Variants in TECTA observed in about 807,000 individuals in gnomAD.
TECTA encodes tectorin alpha.
In TECTA, 128 loss-of-function variants were observed where a neutral mutation model predicts 216.8. The ratio of observed to expected loss-of-function variants is 0.59; its 90% CI spans 0.51 to 0.68. The LOEUF is 0.68. Among genes scored for constraint, TECTA ranks in the 30% least tolerant of loss-of-function variants. TECTA has a pLI of 0.00. For missense variants in TECTA, 2,551 were observed against 2,786.2 expected (o/e 0.92, Z 1.90); for synonymous variants, 1,089 against 1,117.1 (o/e 0.97, Z 0.50).
chr11:121,169,900 A>G (rs1490567232), intron 20 of TECTA, among the ~76,000 whole-genome samples: 1 of 152,168 alleles, frequency 6.6e-6, no homozygotes, highest in African/African-American at 2.4e-5. Flanking sequence ...TTTGAAATAT[A>G]CAATAAATTG....
rs768453504 is a variant in TECTA at position 121,187,802 on chromosome 11, A to G, written c.6000-30A>G. On this transcript the variant is annotated intron_variant, in intron 20 of 23. Transcript: ENST00000392793. ...TAAGGTGTAAGAGGAAAACATGTGA[A>G]GCAAAGATTCCATTATTTTTTCTGA... is the stretch of plus-strand genomic sequence containing the variant. The G allele has an allele frequency of 2.6e-5, 42 of 1,613,870 alleles. No homozygotes were observed. The Middle Eastern group carries it at 1.2e-3, about 44-fold the overall frequency.
chr11:121,132,668 G>A (rs185089768), intron 10 of TECTA, among the ~76,000 whole-genome samples: 11 of 152,242 alleles, frequency 7.2e-5, no homozygotes, highest in African/African-American at 1.9e-4. Flanking sequence ...CTCACCATGA[G>A]TTCATACTGA....
intron 13 of TECTA, among the ~76,000 whole-genome samples, chr11:121,157,415 A>G (rs994613555): frequency 3.9e-5 from 6 of 152,090 alleles, no homozygotes; most frequent in African/African-American, 1.4e-4. Context: ...GAACATAGTG[A>G]GACTCCGTCT....
chr11:121,157,967 G>T lies in TECTA; in HGVS notation c.4432G>T (p.Gly1478Cys), dbSNP rs552485169. The T allele has an allele frequency of 3.7e-6, 6 of 1,613,566 alleles. No individual in the cohort carries two copies. The South Asian group carries it at 4.4e-5, about 12-fold the overall frequency. The change falls in exon 14 of 24, where the codon GGC becomes TGC. Residue 1478 changes from glycine to cysteine, a missense_variant. Coordinates refer to ENST00000392793, the MANE Select transcript of TECTA (RefSeq NM_005422.4). ...GTGTGCGCTGCGCAACGGGGTGCGC[G>T]GCTGCTTCAGCACCAAGACCTCCTA... Reference protein sequence around the residue: ...EECALRNGVRGCFSTKTSYCL... With the variant: ...EECALRNGVRCCFSTKTSYCL...
intron 18 of TECTA, 35 bp downstream of exon 18, chr11:121,166,815 G>C: frequency 6.2e-7 from 1 of 1,610,724 alleles, no homozygotes; most frequent in Non-Finnish European, 8.5e-7. Flanking sequence ...ACCTGGCAGA[G>C]GCAGCGACAG....
chr11:121,125,646 C>T lies in TECTA; in HGVS notation c.1548C>T (p.Ala516=). Residue 516 remains alanine (A), a synonymous_variant, in exon 8 of 24, where the codon GCC becomes GCT. Transcript: ENST00000392793. ...CCCAGTGCGACGCTGCCACTGAAGC[C>T]CTCTACTTTGGCTCTGACTACTGCG... ...NCTQCDAATE[A]LYFGSDYCGF... is the part of the protein sequence containing the mutation. The T allele has an allele frequency of 6.2e-7, 1 of 1,611,620 alleles. No individual in the cohort carries two copies. The highest frequency in any genetic ancestry group is 8.5e-7 in the Non-Finnish European group (1 of 1,177,968).
chr11:121,121,926 C>T (rs1331619213), intron 7 of TECTA, among the ~76,000 whole-genome samples: 1 of 152,154 alleles, frequency 6.6e-6, no homozygotes, highest in Non-Finnish European at 1.5e-5. Flanking sequence ...TACTAGCTGA[C>T]CTTCCCTATA....
At chr11:121,180,136 A>AATAATAACC (rs1947211808) in intron 20 of TECTA, among the ~76,000 whole-genome samples, 1 of 151,442 alleles carries the variant, frequency 6.6e-6, no homozygotes, top group African/African-American at 2.4e-5. Context: ...CTCTCTTATC[A>AATAATAACC]TTTATTATTG....
rs1466686097 is a variant in TECTA at position 121,125,796 on chromosome 11, A to G, written c.1698A>G (p.Gln566=). 1 of 1,613,958 alleles carries G rather than the reference A, an allele frequency of 6.2e-7. No homozygotes were observed. The highest frequency in any genetic ancestry group is 1.3e-5 in the African/African-American group (1 of 74,946). Reference sequence around the variant, plus strand: ...GGGACAATGGCACGCTCCTCTGCCAAGCCATCCAGGCCTATGCTCTTGTGT... The same window carrying G: ...GGGACAATGGCACGCTCCTCTGCCAGGCCATCCAGGCCTATGCTCTTGTGT... ...SVRDNGTLLC[Q]AIQAYALVCQ... The change falls in exon 8 of 24, where the codon CAA becomes CAG. Residue 566 remains glutamine (Q), a synonymous_variant. Coordinates refer to ENST00000392793, the MANE Select transcript of TECTA (RefSeq NM_005422.4).
chr11:121,137,600 G>C lies in TECTA; in HGVS notation c.3121G>C (p.Glu1041Gln). Residue 1041 changes from glutamate (E) to glutamine (Q), a missense_variant, in exon 11 of 24, where the codon GAG (glutamate) becomes CAG (glutamine). Transcript: ENST00000392793. ...GCGGAGTGAGTGTGGCTGCAACTTT[G>C]AGGGGCACCAACTTGCCACCAATGA... ...VTRSECGCNF[E>Q]GHQLATNETF... 3 of 1,613,984 alleles carry C rather than the reference G, an allele frequency of 1.9e-6. No homozygotes were observed. Among genetic ancestry groups the C allele is most frequent in the Non-Finnish European group, 2.5e-6 (3 of 1,179,996 alleles).
At chr11:121,147,930 T>G (rs1324753267) in intron 12 of TECTA, among the ~76,000 whole-genome samples, 1 of 152,134 alleles carries the variant, frequency 6.6e-6, no homozygotes, top group African/African-American at 2.4e-5. Context: ...TTGTCACTCA[T>G]GGGAAGGAAA....
chr11:121,119,496 G>C (rs1222747405), intron 7 of TECTA, among the ~76,000 whole-genome samples: 1 of 152,250 alleles, frequency 6.6e-6, no homozygotes. Flanking sequence ...AAAGCAAAAA[G>C]CTACTAGCAA....
At chr11:121,141,618 G>T (rs1009201684) in intron 11 of TECTA, among the ~76,000 whole-genome samples, 4 of 152,170 alleles carry the variant, frequency 2.6e-5, no homozygotes, top group African/African-American at 9.7e-5. Context: ...CCACCCTCAG[G>T]CTTCATCGCA....
chr11:121,102,870 T>C (rs772378473), intron 2 of TECTA, 141 bp downstream of exon 2: 2 of 786,006 alleles, frequency 2.5e-6, no homozygotes, highest in Non-Finnish European at 4.4e-6. Context: ...TAAATTCTAT[T>C]ATCAAGGGTA....
At chr11:121,150,119 T>G (rs1946875626) in intron 12 of TECTA, among the ~76,000 whole-genome samples, 1 of 151,954 alleles carries the variant, frequency 6.6e-6, no homozygotes, top group Non-Finnish European at 1.5e-5. Context: ...AACAAATAAA[T>G]AATAAAAATA....
chr11:121,158,208 A>C lies in TECTA; in HGVS notation c.4673A>C (p.Asp1558Ala). ...YINEEQILIN[D>A]RNTVKVNGTQ... is the part of the protein sequence containing the mutation. ...AACGAAGAGCAGATTCTCATCAACG[A>C]CCGGAACACGGTCAAGGTAACCAGC... The change falls in exon 14 of 24, where the codon GAC becomes GCC. Residue 1558 changes from aspartate to alanine, a missense_variant. Coordinates refer to ENST00000392793, the MANE Select transcript of TECTA (RefSeq NM_005422.4). 1.9e-6 allele frequency: 3 copies of C among 1,613,026 alleles called. 1 individual carries two copies. In the South Asian group the frequency reaches 3.3e-5, roughly 18 times the overall value.
At chr11:121,136,304 A>T (rs1946726505) in intron 10 of TECTA, among the ~76,000 whole-genome samples, 1 of 152,118 alleles carries the variant, frequency 6.6e-6, no homozygotes, top group South Asian at 2.1e-4. Flanking sequence ...GAAGATGGGC[A>T]ATTTGAAGTG....
rs374229006 is a variant in TECTA, at chr11:121,130,169, G to C, written c.2899G>C (p.Ala967Pro). The C allele has an allele frequency of 1.9e-6, 3 of 1,604,336 alleles. No homozygotes were observed. In the African/African-American group the frequency reaches 4.0e-5, roughly 21 times the overall value. Reference sequence around the variant, plus strand: ...CCGGTATGCAAGCGCCTGCAAGAATGCGGACGTGGAGGTGGGGCCCTGGCG... The same window carrying C: ...CCGGTATGCAAGCGCCTGCAAGAATCCGGACGTGGAGGTGGGGCCCTGGCG... Reference protein sequence around the residue: ...VARYASACKNADVEVGPWRTY... With the variant: ...VARYASACKNPDVEVGPWRTY... The change falls in exon 10 of 24, where the codon GCG becomes CCG. Residue 967 changes from alanine (A) to proline (P), a missense_variant. Physicochemically the swap from Ala to Pro is conservative, Grantham distance 27. Coordinates refer to ENST00000392793, the MANE Select transcript of TECTA (RefSeq NM_005422.4).
Position 121,113,422 on chromosome 11 carries a change from G to A in TECTA, c.625-131G>A. 6.9e-7 allele frequency: 1 copy of A among 1,448,596 alleles called. No individual in the cohort carries two copies. The highest frequency in any genetic ancestry group is 9.6e-7 in the Non-Finnish European group (1 of 1,036,902). The allele number at this position is 1,448,596 out of a possible 1,614,324, so 89.7% of individuals were successfully genotyped here. On this transcript the variant is annotated intron_variant, in intron 5 of 23. Coordinates refer to ENST00000392793, the MANE Select transcript of TECTA (RefSeq NM_005422.4). The surrounding 1 kb of genome is among the most constrained non-coding windows in gnomAD (Gnocchi z 4.2). ...GCAGTCCTTTCTCACCTAGAATGCT[G>A]GCCCCAGTGACTCCAGGAAAAGACG...
Sources: gnomAD v4.1 joint callset for allele counts (sites outside exome capture counted in the v4.1 genomes callset) on GRCh38, gnomAD v4.1.1 for gene constraint, Gnocchi (gnomAD v3.1) non-coding constraint, MANE v1.5 for transcripts, NCBI Gene and HGNC (gene_info 2026-07-23, HGNC 2026-07-21) for gene names.